The following HGSNAT variants were observed in gnomAD, a reference collection of about 807,000 sequenced individuals.
The protein encoded by HGSNAT is heparan-alpha-glucosaminide N-acetyltransferase.
A neutral mutation model predicts 85.2 loss-of-function variants in HGSNAT; 59 were observed. The observed-to-expected ratio is 0.69, with a 90% CI of 0.56 to 0.86. The LOEUF is 0.86. Among genes scored for constraint, HGSNAT ranks in the 40% least tolerant of loss-of-function variants. HGSNAT has a pLI of 0.00. For synonymous variants in HGSNAT, 321 were observed against 304.5 expected (o/e 1.05, Z -0.56); for missense variants, 756 against 777.1 (o/e 0.97, Z 0.32).
Position 43,200,353 on chromosome 8 carries a change from G to A in HGSNAT, c.*784G>A, listed in dbSNP as rs1440725359. On this transcript the variant is annotated 3_prime_UTR_variant, in exon 18 of 18. Transcript: ENST00000379644. ...GGTCCAGCTGAGCCATCCCTGCTGG[G>A]TGATGCTGGGCAAGACCCTTGGCCC... The A allele has an allele frequency of 2.6e-5, 4 of 152,190 alleles. No homozygotes were observed. Among genetic ancestry groups the A allele is most frequent in the Non-Finnish European group, 1.5e-5 (1 of 68,074 alleles). 9.4% of individuals were successfully genotyped at this position (152,190 alleles called of 1,614,324 possible).
chr8:43,172,427 T>C, intron 8 of HGSNAT, 41 bp downstream of exon 8: 1 of 1,341,068 alleles, frequency 7.5e-7, no homozygotes, highest in Non-Finnish European at 1.1e-6. Flanking sequence ...ATATACGTCC[T>C]TCACAGAGCT....
At chr8:43,192,772 C>CA (rs967128714) in intron 13 of HGSNAT, among the ~76,000 whole-genome samples, 2 of 150,052 alleles carry the variant, frequency 1.3e-5, no homozygotes, top group Non-Finnish European at 3.0e-5. Context: ...AAAAAAAAAA[C>CA]AAAAAACAAA....
intron 14 of HGSNAT, chr8:43,194,155 T>G: frequency 9.6e-7 from 1 of 1,041,156 alleles, no homozygotes; most frequent in Non-Finnish European, 1.2e-6. Context: ...GCCAACATTT[T>G]GGGAAGCCAA....
chr8:43,189,110 G>A (rs1049052575), intron 11 of HGSNAT, among the ~76,000 whole-genome samples: 5 of 152,264 alleles, frequency 3.3e-5, no homozygotes, highest in East Asian at 3.9e-4. Flanking sequence ...CAGTCTGTCC[G>A]TTCTCAGATC....
At chr8:43,197,140 A>G in intron 15 of HGSNAT, 115 bp downstream of exon 15, 1 of 701,076 alleles carries the variant, frequency 1.4e-6, no homozygotes, top group Non-Finnish European at 2.6e-6. Context: ...GGCAGCAGGT[A>G]CCATTTTCTT....
Position 43,147,082 on chromosome 8 carries a change from T to G in HGSNAT, c.234+19T>G. ...TTATCACGTATGTATCAGTTCACAC[T>G]CAGTTCTGTTTGCTTTGGGGCTTGT... On this transcript the variant is annotated intron_variant, in intron 2 of 17. Transcript: ENST00000379644. 7.0e-7 allele frequency: 1 copy of G among 1,422,890 alleles called. No individual in the cohort carries two copies. Among genetic ancestry groups the G allele is most frequent in the Non-Finnish European group, 9.8e-7 (1 of 1,020,560 alleles). The allele number at this position is 1,422,890 out of a possible 1,614,324, so 88.1% of individuals were successfully genotyped here. A position where few individuals can be genotyped will look rare whatever the true frequency, so the allele number is the denominator to read the frequency against.
In HGSNAT at chr8:43,178,160, A is replaced by G; in HGVS notation, c.938A>G (p.Lys313Arg). The change falls in exon 10 of 18, where the codon AAG becomes AGG. Residue 313 changes from lysine to arginine, a missense_variant. Physicochemically the swap from Lys to Arg is conservative, Grantham distance 26. Transcript: ENST00000379644. ...TGTTCAAAATTCAGATTGCTGGGGA[A>G]GATTGCATGGAGGAGTTTCCTGTTA... ...RGCSKFRLLGKIAWRSFLLIC... is the reference protein window; with the variant it reads ...RGCSKFRLLGRIAWRSFLLIC... The G allele has an allele frequency of 6.2e-7, 1 of 1,604,694 alleles. No homozygotes were observed. The highest frequency in any genetic ancestry group is 8.5e-7 in the Non-Finnish European group (1 of 1,176,666).
chr8:43,175,819 G>C (rs1420373171), intron 9 of HGSNAT, among the ~76,000 whole-genome samples: 3 of 151,720 alleles, frequency 2.0e-5, no homozygotes, highest in African/African-American at 7.3e-5. Flanking sequence ...TGCCTGCCTT[G>C]GCCTCCCAAA....
At chr8:43,194,432 CA>C (rs1253484192) in intron 14 of HGSNAT, 2 of 985,412 alleles carry the variant, frequency 2.0e-6, no homozygotes, top group African/African-American at 1.7e-5. Flanking sequence ...ATGGAGTGTG[CA>C]GAGTGTGTGG....
At chr8:43,163,571 G>C (rs1039197659) in intron 5 of HGSNAT, among the ~76,000 whole-genome samples, 2 of 150,882 alleles carry the variant, frequency 1.3e-5, no homozygotes, top group African/African-American at 4.9e-5. Context: ...CTGCCACGCA[G>C]GCTGGAGTGC....
chr8:43,140,785 C>T (rs1023227280), intron 1 of HGSNAT, among the ~76,000 whole-genome samples, 171 bp downstream of exon 1: 39 of 152,126 alleles, frequency 2.6e-4, no homozygotes, highest in Admixed American at 1.7e-3. Context: ...GACCGGAGGC[C>T]GGACTTCGGG....
rs1051645354 is a variant in HGSNAT at position 43,199,436 on chromosome 8, A to G, written c.1775A>G (p.Tyr592Cys). 6 of 1,610,082 alleles carry G rather than the reference A, an allele frequency of 3.7e-6. No homozygotes were observed. Among genetic ancestry groups the G allele is most frequent in the Non-Finnish European group, 4.2e-6 (5 of 1,178,072 alleles). The change falls in exon 18 of 18, where the codon TAC (tyrosine) becomes TGC (cysteine). Residue 592 changes from tyrosine (Y) to cysteine (C), a missense_variant. Coordinates refer to ENST00000379644, the MANE Select transcript of HGSNAT (RefSeq NM_152419.3). ...VYVGHEVFENYFPFQWKLKDN... is the reference protein window; with the variant it reads ...VYVGHEVFENCFPFQWKLKDN... The stretch of plus-strand genomic sequence containing the variant: ...GTCGGCCACGAGGTGTTTGAGAACT[A>G]CTTCCCCTTTCAGTGGAAGCTGAAG...
chr8:43,182,590 C>T (rs926436149), intron 11 of HGSNAT, among the ~76,000 whole-genome samples: 4 of 151,822 alleles, frequency 2.6e-5, no homozygotes, highest in East Asian at 1.9e-4. Context: ...ACTACAGGAG[C>T]GCACCACCAT....
chr8:43,195,613 G>T (rs2130815450), intron 14 of HGSNAT, among the ~76,000 whole-genome samples: 1 of 87,082 alleles, frequency 1.1e-5, no homozygotes. Context: ...GAGAAGGAGG[G>T]TGTGGAGGAG....
intron 1 of HGSNAT, among the ~76,000 whole-genome samples, chr8:43,141,528 C>T (rs1008891936): frequency 6.6e-6 from 1 of 152,166 alleles, no homozygotes; most frequent in Non-Finnish European, 1.5e-5. Context: ...GCACACGCCC[C>T]TCCCAGAGGG....
At chr8:43,181,085 G>A (rs1375337522) in intron 10 of HGSNAT, among the ~76,000 whole-genome samples, 5 of 30 alleles carry the variant, frequency 0.17, no homozygotes, top group African/African-American at 0.28. Context: ...AGACCGTGGA[G>A]GGAGAGGGAG....
chr8:43,160,358 T>C (rs1466912748), intron 4 of HGSNAT, among the ~76,000 whole-genome samples: 1 of 152,190 alleles, frequency 6.6e-6, no homozygotes. Flanking sequence ...AGGCATATAC[T>C]ATATGAGTGG....
chr8:43,166,604 C>A (rs1181734141), intron 5 of HGSNAT, among the ~76,000 whole-genome samples: 1 of 151,868 alleles, frequency 6.6e-6, no homozygotes, highest in Non-Finnish European at 1.5e-5. Context: ...ATATTTTTTT[C>A]AAAATATTGT....
At chr8:43,187,353 T>C (rs1804354271) in intron 11 of HGSNAT, among the ~76,000 whole-genome samples, 1 of 152,244 alleles carries the variant, frequency 6.6e-6, no homozygotes, top group South Asian at 2.1e-4. Context: ...ATATTTAGGA[T>C]AGTTAGCTCT....
Sources: gnomAD v4.1 joint callset for allele counts (sites outside exome capture counted in the v4.1 genomes callset) on GRCh38, gnomAD v4.1.1 for gene constraint, MANE v1.5 for transcripts, NCBI Gene and HGNC (gene_info 2026-07-23, HGNC 2026-07-21) for gene names.